The following FRMD7 variants were observed in gnomAD, a reference collection of about 807,000 sequenced individuals.
FRMD7 encodes the protein FERM domain containing 7.
A neutral mutation model predicts 44.1 loss-of-function variants in FRMD7; 14 were observed. The observed-to-expected ratio is 0.32, with a 90% CI of 0.21 to 0.50. The LOEUF is 0.50. Among genes scored for constraint, FRMD7 ranks in the 20% least tolerant of loss-of-function variants. FRMD7 has a pLI of 0.99. For missense variants in FRMD7, 501 were observed against 522.3 expected (o/e 0.96, Z 0.40); for synonymous variants, 212 against 187.4 (o/e 1.13, Z -1.07).
At chrX:132,101,073 A>C (rs939314229) in intron 1 of FRMD7, among the ~76,000 whole-genome samples, 2 of 111,336 alleles carry the variant, frequency 1.8e-5, no homozygotes, top group African/African-American at 3.3e-5. Flanking sequence ...AGTTTAGTCA[A>C]GATGTAAATC....
At position 132,085,917 on chromosome X, in the gene FRMD7, T is replaced by C. The variant is rs375094428; in HGVS notation, c.497+3A>G. ...GAAGCAGGTGCCAGCTGAAAGTACTTACATGTGCTTCTGATGAAAGTGCAT... is the reference window on the plus strand; with the variant it reads ...GAAGCAGGTGCCAGCTGAAAGTACTCACATGTGCTTCTGATGAAAGTGCAT... On this transcript the variant is annotated splice_donor_region_variant and intron_variant, in intron 6 of 11. Transcript: ENST00000298542. 4 of 1,160,788 alleles carry C rather than the reference T, an allele frequency of 3.4e-6. No homozygotes were observed. The African/African-American group carries it at 7.1e-5, about 21-fold the overall frequency.
chrX:132,081,288 C>T (rs1268184306), intron 9 of FRMD7, among the ~76,000 whole-genome samples: 1 of 110,518 alleles, frequency 9.0e-6, no homozygotes, highest in Non-Finnish European at 1.9e-5. Flanking sequence ...GCCGAGATCG[C>T]GCCACTGCAC....
intron 8 of FRMD7, 43 bp from the exon 9 acceptor site, chrX:132,082,569 T>C (rs1166576098): frequency 9.1e-7 from 1 of 1,096,007 alleles, no homozygotes; most frequent in Admixed American, 2.2e-5. Context: ...CCTTCAAGAA[T>C]ATCAAAGACC....
At chrX:132,102,829 C>T (rs1042273758) in intron 1 of FRMD7, among the ~76,000 whole-genome samples, 12 of 111,754 alleles carry the variant, frequency 1.1e-4, no homozygotes, top group African/African-American at 3.9e-4. Flanking sequence ...ACTTAATCCT[C>T]CCTATCAACA....
intron 4 of FRMD7, among the ~76,000 whole-genome samples, chrX:132,096,168 A>C (rs1371158588): frequency 8.9e-6 from 1 of 111,767 alleles, no homozygotes; most frequent in African/African-American, 3.3e-5. Context: ...AAATGTGGAG[A>C]GAGAATTAGG....
intron 1 of FRMD7, among the ~76,000 whole-genome samples, chrX:132,102,887 A>C (rs975350790): frequency 8.9e-6 from 1 of 112,253 alleles, no homozygotes; most frequent in African/African-American, 3.2e-5. Context: ...TGCAATTACA[A>C]AGCATATGTA....
chrX:132,114,926 T>C (rs751467745), intron 1 of FRMD7, among the ~76,000 whole-genome samples: 7 of 112,566 alleles, frequency 6.2e-5, no homozygotes, highest in African/African-American at 2.3e-4. Context: ...GTCTCTTCAC[T>C]TGGGTTCCTG....
At chrX:132,099,797 G>T (rs1411089980) in intron 2 of FRMD7, among the ~76,000 whole-genome samples, 1 of 111,728 alleles carries the variant, frequency 9.0e-6, no homozygotes, top group East Asian at 2.8e-4. Flanking sequence ...CACATACATG[G>T]CTCATTAGTT....
intron 1 of FRMD7, 50 bp downstream of exon 1, chrX:132,127,738 A>G: frequency 1.0e-6 from 1 of 986,265 alleles, no homozygotes; most frequent in Non-Finnish European, 1.5e-6. Flanking sequence ...CACAAATGAC[A>G]ATTATTGAAT....
chrX:132,091,948 C>T (rs757176828), intron 5 of FRMD7, among the ~76,000 whole-genome samples: 20 of 112,403 alleles, frequency 1.8e-4, no homozygotes, highest in African/African-American at 6.1e-4. Context: ...CTCCCTCCTA[C>T]GCTTCATTTT....
chrX:132,122,545 T>C (rs1929060981), intron 1 of FRMD7, among the ~76,000 whole-genome samples: 1 of 112,332 alleles, frequency 8.9e-6, no homozygotes, highest in African/African-American at 3.2e-5. Flanking sequence ...ATATCTCCCA[T>C]ATCCAAAAGT....
At chrX:132,104,053 A>G (rs1928580347) in intron 1 of FRMD7, among the ~76,000 whole-genome samples, 1 of 112,057 alleles carries the variant, frequency 8.9e-6, no homozygotes, top group Admixed American at 9.4e-5. Flanking sequence ...CTGTAAAATA[A>G]AGATAATAGT....
intron 1 of FRMD7, among the ~76,000 whole-genome samples, chrX:132,113,985 T>G (rs1248385699): frequency 1.0e-5 from 1 of 97,878 alleles, no homozygotes; most frequent in Non-Finnish European, 2.0e-5. Flanking sequence ...CCTGACTTTA[T>G]TATCTTTTCT....
chrX:132,096,217 T>TTTTG (rs1342286165), intron 4 of FRMD7, among the ~76,000 whole-genome samples: 1 of 111,554 alleles, frequency 9.0e-6, no homozygotes, highest in African/African-American at 3.3e-5. Context: ...AAAAAGCGAC[T>TTTTG]TTTGCAAAGG....
intron 1 of FRMD7, among the ~76,000 whole-genome samples, chrX:132,117,695 G>C (rs1928935936): frequency 1.8e-5 from 2 of 112,007 alleles, no homozygotes; most frequent in Admixed American, 1.9e-4. Flanking sequence ...TGCATGTGAT[G>C]TAATAACACC....
chrX:132,091,691 C>T (rs1173997797), intron 5 of FRMD7, among the ~76,000 whole-genome samples: 4 of 105,214 alleles, frequency 3.8e-5, no homozygotes, highest in East Asian at 2.9e-4. Flanking sequence ...AAAAAAAAGC[C>T]GGGTGTGGTG....
rs779024567 is a variant in FRMD7, at chrX:132,078,139, CAT to C, written c.1876_1877del (p.Met626ValfsTer22). On this transcript the variant is annotated frameshift_variant, in exon 12 of 12. Coordinates refer to ENST00000298542, the MANE Select transcript of FRMD7 (RefSeq NM_194277.3). LOFTEE classifies it high-confidence loss of function. ...CTGCTGGCAACTCCTGCTCTGCAAA[CAT>C]ATCCGTAAACAGGTCTGCTTTATGA... ...LSHKADLFTD[M>X]FAEQELPAVL... 2 of 1,211,337 alleles carry C rather than the reference CAT, an allele frequency of 1.7e-6. No individual in the cohort carries two copies. The highest frequency in any genetic ancestry group is 2.2e-6 in the Non-Finnish European group (2 of 894,949).
At chrX:132,084,627 G>T in intron 7 of FRMD7, 42 bp from the exon 8 acceptor site, 1 of 827,959 alleles carries the variant, frequency 1.2e-6, no homozygotes, top group Non-Finnish European at 1.8e-6. Flanking sequence ...GTATTAACAA[G>T]AGTTGGCTTG....
intron 5 of FRMD7, among the ~76,000 whole-genome samples, chrX:132,091,193 G>T (rs1487216342): frequency 9.0e-6 from 1 of 111,295 alleles, no homozygotes; most frequent in Non-Finnish European, 1.9e-5. Context: ...ATGGCCAGTC[G>T]GATATGCACT....
Sources: allele counts gnomAD v4.1 joint callset (sites outside exome capture counted in the v4.1 genomes callset), GRCh38; gene constraint gnomAD v4.1.1; transcripts MANE v1.5; gene names NCBI Gene and HGNC (gene_info 2026-07-23, HGNC 2026-07-21).